The following NCOA3 variants were observed in gnomAD, a reference collection of about 807,000 sequenced individuals.
The protein encoded by NCOA3 is nuclear receptor coactivator 3.
A neutral mutation model predicts 158.8 loss-of-function variants in NCOA3; 51 were observed. The observed-to-expected ratio is 0.32, with a 90% CI of 0.26 to 0.41. The LOEUF is 0.41. Ranked by LOEUF, NCOA3 falls within the 10% of genes least tolerant of loss-of-function variation. The pLI, the probability that NCOA3 is intolerant of heterozygous loss-of-function variation, is 1.00. For missense variants in NCOA3, 1,510 were observed against 1,746.6 expected, an observed-to-expected ratio of 0.86 and a Z score of 2.41; for synonymous variants, 537 against 592.4, an observed-to-expected ratio of 0.91 and a Z score of 1.36.
chr20:47,593,623 G>A (rs2085692599), intron 2 of NCOA3, among the ~76,000 whole-genome samples: 1 of 152,038 alleles, frequency 6.6e-6, no homozygotes, highest in Non-Finnish European at 1.5e-5. Context: ...GATTACAGAC[G>A]TGAGCCACTG....
chr20:47,565,383 C>T (rs1029365179), intron 1 of NCOA3, among the ~76,000 whole-genome samples: 4 of 152,000 alleles, frequency 2.6e-5, no homozygotes, highest in Non-Finnish European at 5.9e-5. Context: ...GGGAGGATCT[C>T]GATTATTTAG....
At chr20:47,625,267 G>T in intron 4 of NCOA3, 114 bp from the exon 5 acceptor site, 1 of 651,540 alleles carries the variant, frequency 1.5e-6, no homozygotes, top group Admixed American at 2.7e-5. Flanking sequence ...TGTTTTGTAT[G>T]TATGTATGGG....
intron 1 of NCOA3, among the ~76,000 whole-genome samples, chr20:47,579,393 A>C (rs2085418406): frequency 6.6e-6 from 1 of 152,228 alleles, no homozygotes; most frequent in African/African-American, 2.4e-5. Flanking sequence ...ATTTAGTTTT[A>C]TGTCAGTATG....
At chr20:47,519,113 G>T (rs1239832761) in intron 1 of NCOA3, among the ~76,000 whole-genome samples, 6 of 150,408 alleles carry the variant, frequency 4.0e-5, no homozygotes, top group Non-Finnish European at 8.9e-5. Context: ...TCCACACTGG[G>T]TGACAGAGCG....
At chr20:47,506,512 T>C (rs1569308767) in intron 1 of NCOA3, among the ~76,000 whole-genome samples, 1 of 152,180 alleles carries the variant, frequency 6.6e-6, no homozygotes, top group Non-Finnish European at 1.5e-5. Flanking sequence ...TTAGGCTGCA[T>C]ACTGCCAGTA....
At position 47,636,657 on chromosome 20, in the gene NCOA3, C is replaced by G. The variant is rs771273517; in HGVS notation, c.2271C>G (p.Pro757=). 2.5e-5 allele frequency: 40 copies of G among 1,613,990 alleles called. No homozygotes were observed. The highest frequency in any genetic ancestry group is 4.2e-6 in the Non-Finnish European group (5 of 1,180,030). Residue 757 remains proline (P), a synonymous_variant, in exon 12 of 23, where the codon CCC becomes CCG. Transcript: ENST00000371998. ...ATGCACTCTCTAAAGAACTACAGCC[C>G]CAAGTGGAAGGAGTGGATAATAAAA... ...PSDALSKELQ[P]QVEGVDNKMS...
In NCOA3 at chr20:47,526,321, C is replaced by T. The variant is rs556473056; in HGVS notation, c.-99+24302C>T. ...GGCTCCTCACATCCCAGACGATGGG[C>T]GGCCAGGCGGAGATGCTCCTCACTT... On this transcript the variant is annotated intron_variant, in intron 1 of 22. Transcript: ENST00000371998. Among the ~76,000 whole-genome samples the T allele has an allele frequency of 1.7e-4, 26 of 152,018 alleles. No homozygotes were observed. In the South Asian group the frequency reaches 5.0e-3, roughly 29 times the overall value.
At chr20:47,509,096 C>T (rs944579184) in intron 1 of NCOA3, among the ~76,000 whole-genome samples, 4 of 152,120 alleles carry the variant, frequency 2.6e-5, no homozygotes, top group African/African-American at 9.7e-5. Context: ...GCTTTCAGTG[C>T]TGACTTATAA....
At chr20:47,591,724 G>GT (rs2085643868) in intron 2 of NCOA3, among the ~76,000 whole-genome samples, 2 of 149,654 alleles carry the variant, frequency 1.3e-5, no homozygotes, top group South Asian at 4.2e-4. Context: ...AAGTTGTTCT[G>GT]TGGTGTTGTA....
intron 1 of NCOA3, among the ~76,000 whole-genome samples, chr20:47,582,335 C>T (rs2085466792): frequency 1.3e-5 from 2 of 152,268 alleles, no homozygotes; most frequent in East Asian, 1.9e-4. Context: ...GCCTCAGCCT[C>T]CTGAGTAGCT....
At chr20:47,629,842 G>A (rs2086384881) in intron 8 of NCOA3, among the ~76,000 whole-genome samples, 1 of 152,162 alleles carries the variant, frequency 6.6e-6, no homozygotes, top group Non-Finnish European at 1.5e-5. Context: ...AATTTAGCAA[G>A]TAGCATCTTT....
At chr20:47,627,331 A>G (rs768856307) in intron 6 of NCOA3, among the ~76,000 whole-genome samples, 155 bp downstream of exon 6, 9 of 152,258 alleles carry the variant, frequency 5.9e-5, no homozygotes, top group Non-Finnish European at 1.2e-4. Flanking sequence ...GAGTCAGTGA[A>G]TTAAAAATTT....
chr20:47,509,013 T>C lies in NCOA3; in HGVS notation c.-99+6994T>C, dbSNP rs188837662. The stretch of plus-strand genomic sequence containing the variant: ...TATGTAGATATGTACAATGCTCTTT[T>C]ACTTAAATTTTGTTGATTGAACATA... On this transcript the variant is annotated intron_variant, in intron 1 of 22. Coordinates refer to ENST00000371998, the MANE Select transcript of NCOA3 (RefSeq NM_181659.3). Among the ~76,000 whole-genome samples the C allele has an allele frequency of 1.3e-3, 191 of 152,358 alleles. 1 individual carries two copies. Among genetic ancestry groups the C allele is most frequent in the African/African-American group, 4.2e-3 (173 of 41,588 alleles).
At chr20:47,634,920 CTTTTTTTTTTTT>C (rs66801245) in intron 10 of NCOA3, among the ~76,000 whole-genome samples, 1 of 120,134 alleles carries the variant, frequency 8.3e-6, no homozygotes, top group Non-Finnish European at 1.7e-5. Context: ...TTCTCTTCTT[CTTTTTTTTTTTT>C]TTTTTTTTTA....
At chr20:47,533,102 C>CT (rs2084572331) in intron 1 of NCOA3, among the ~76,000 whole-genome samples, 1 of 73,110 alleles carries the variant, frequency 1.4e-5, no homozygotes, top group African/African-American at 6.5e-5. Context: ...AAGACTCTGT[C>CT]TCAAAAAAAA....
chr20:47,563,416 T>TC (rs2085139062), intron 1 of NCOA3, among the ~76,000 whole-genome samples: 1 of 152,160 alleles, frequency 6.6e-6, no homozygotes, highest in African/African-American at 2.4e-5. Context: ...GTAGAAGGAA[T>TC]AGATAGGCTA....
chr20:47,542,184 C>T (rs2425957), intron 1 of NCOA3, among the ~76,000 whole-genome samples: 305 of 151,508 alleles, frequency 2.0e-3, no homozygotes, highest in African/African-American at 7.1e-3. Context: ...GTGCACACCA[C>T]CATGCCAGCT....
At chr20:47,542,965 A>G (rs1466522914) in intron 1 of NCOA3, among the ~76,000 whole-genome samples, 1 of 152,158 alleles carries the variant, frequency 6.6e-6, no homozygotes, top group Non-Finnish European at 1.5e-5. Context: ...TCTGTTTCAA[A>G]ACAAAGCAAA....
At chr20:47,557,195 C>T (rs2146171407) in intron 1 of NCOA3, among the ~76,000 whole-genome samples, 1 of 152,260 alleles carries the variant, frequency 6.6e-6, no homozygotes, top group East Asian at 1.9e-4. Context: ...TCATATTTGG[C>T]TGGATTTCAA....
Sources: allele counts gnomAD v4.1 joint callset (sites outside exome capture counted in the v4.1 genomes callset), GRCh38; gene constraint gnomAD v4.1.1; transcripts MANE v1.5; gene names NCBI Gene and HGNC (gene_info 2026-07-23, HGNC 2026-07-21).